KIAA0319L: variants seen among roughly 807,000 people sequenced by gnomAD.
KIAA0319L encodes the protein dyslexia-associated protein KIAA0319-like protein.
A neutral mutation model predicts 120.1 loss-of-function variants in KIAA0319L; 55 were observed. The observed-to-expected ratio is 0.46, with a 90% CI of 0.37 to 0.57. KIAA0319L has a LOEUF of 0.57. Among genes scored for constraint, KIAA0319L ranks in the 20% least tolerant of loss-of-function variants. The pLI is 0.00. For missense variants in KIAA0319L, 1,049 were observed against 1,255.3 expected (o/e 0.84, Z 2.48); for synonymous variants, 398 against 471.9 (o/e 0.84, Z 2.03).
At chr1:35,533,298 A>G (rs1420973923) in intron 2 of KIAA0319L, 2 of 152,202 alleles carry the variant, frequency 1.3e-5, no homozygotes, top group Admixed American at 6.5e-5. Flanking sequence ...CCAGAAATGT[A>G]AATTCTAACT....
intron 9 of KIAA0319L, among the ~76,000 whole-genome samples, chr1:35,458,584 A>T (rs894529194): frequency 6.6e-6 from 1 of 152,106 alleles, no homozygotes; most frequent in Non-Finnish European, 1.5e-5. Context: ...AAAAGCTTAG[A>T]CTCTAGAGTT....
At chr1:35,534,858 CAAAAA>C (rs779838672) in intron 2 of KIAA0319L, among the ~76,000 whole-genome samples, 4 of 42,620 alleles carry the variant, frequency 9.4e-5, no homozygotes, top group South Asian at 1.7e-3. Context: ...GACTCCGTCT[CAAAAA>C]AAAAAAAAAA....
At position 35,540,958 on chromosome 1, in the gene KIAA0319L, T is replaced by A. The variant is rs992299620; in HGVS notation, c.142+13392A>T. On this transcript the variant is annotated intron_variant, in intron 2 of 20. Transcript: ENST00000325722. ...ATGTATTAATTTTCCCTTTTTTTTT[T>A]CTTGAGACAGTCTCACTCTGTGGCC... 2.6e-5 allele frequency among the ~76,000 whole-genome samples: 4 copies of A among 152,078 alleles called. No individual in the cohort carries two copies. The East Asian group carries it at 7.7e-4, about 29-fold the overall frequency.
chr1:35,555,712 G>A (rs893810121), intron 1 of KIAA0319L, among the ~76,000 whole-genome samples: 3 of 152,232 alleles, frequency 2.0e-5, no homozygotes, highest in African/African-American at 7.2e-5. Flanking sequence ...GAGTATGCAT[G>A]TGTGCATGTA....
At chr1:35,536,818 C>T (rs907466000) in intron 2 of KIAA0319L, among the ~76,000 whole-genome samples, 1 of 150,758 alleles carries the variant, frequency 6.6e-6, no homozygotes, top group Non-Finnish European at 1.5e-5. Flanking sequence ...ATCCAGTCAT[C>T]AAGGGCTTTA....
rs1020578912 is a variant in KIAA0319L at position 35,470,890 on chromosome 1, T to C, written c.1086A>G (p.Lys362=). ...PRDYSGEMEG[K]HSQILKLSKL... ...TCGATAGTTTGAGGATCTGGGAATG[T>C]TTCCCTTCCATTTCTCCACTGTAGT... Residue 362 remains lysine, a synonymous_variant, in exon 6 of 21, where the codon AAA becomes AAG. Transcript: ENST00000325722. 6.2e-7 allele frequency: 1 copy of C among 1,612,874 alleles called. No homozygotes were observed. Among genetic ancestry groups the C allele is most frequent in the Non-Finnish European group, 8.5e-7 (1 of 1,178,844 alleles).
At chr1:35,473,544 C>A (rs1435601529) in intron 5 of KIAA0319L, among the ~76,000 whole-genome samples, 1 of 152,078 alleles carries the variant, frequency 6.6e-6, no homozygotes, top group Non-Finnish European at 1.5e-5. Flanking sequence ...TAGTAATCAA[C>A]AGCTCAAGGC....
chr1:35,461,510 C>T (rs956351836), intron 8 of KIAA0319L, among the ~76,000 whole-genome samples: 4 of 152,102 alleles, frequency 2.6e-5, no homozygotes, highest in Admixed American at 1.3e-4. Context: ...ACAAGCATCA[C>T]ACATAACAGC....
At chr1:35,533,747 C>T (rs138015188) in intron 2 of KIAA0319L, among the ~76,000 whole-genome samples, 136 of 152,280 alleles carry the variant, frequency 8.9e-4, no homozygotes, top group African/African-American at 3.2e-3. Flanking sequence ...AGATGGCTGC[C>T]ACATGAAAAT....
At chr1:35,537,067 T>C (rs879178317) in intron 2 of KIAA0319L, among the ~76,000 whole-genome samples, 1 of 152,274 alleles carries the variant, frequency 6.6e-6, no homozygotes, top group African/African-American at 2.4e-5. Flanking sequence ...TCTTTGTACT[T>C]CAAAAAGCAC....
intron 7 of KIAA0319L, among the ~76,000 whole-genome samples, chr1:35,464,338 G>T (rs1643104712): frequency 6.6e-6 from 1 of 152,150 alleles, no homozygotes; most frequent in Non-Finnish European, 1.5e-5. Flanking sequence ...TGGAAATGAG[G>T]AAATTGTTGG....
intron 3 of KIAA0319L, among the ~76,000 whole-genome samples, chr1:35,489,716 G>A (rs1405379028): frequency 6.6e-6 from 1 of 151,546 alleles, no homozygotes; most frequent in African/African-American, 2.4e-5. Flanking sequence ...ACCCAGGCTG[G>A]GGTGCAGTGG....
chr1:35,517,368 T>C lies in KIAA0319L; in HGVS notation c.143-10233A>G, dbSNP rs138644249. On this transcript the variant is annotated intron_variant, in intron 2 of 20. Transcript: ENST00000325722. ...TGGTAATGGTACAAAAATTGGCACATAGACCAACGGAACAGAATAGAGAGC... is the reference window on the plus strand; with the variant it reads ...TGGTAATGGTACAAAAATTGGCACACAGACCAACGGAACAGAATAGAGAGC... 6.3e-3 allele frequency among the ~76,000 whole-genome samples: 960 copies of C among 152,176 alleles called. 25 individuals are homozygous for C. The East Asian group carries it at 0.068, about 11-fold the overall frequency.
intron 3 of KIAA0319L, among the ~76,000 whole-genome samples, chr1:35,482,104 G>T (rs1213491548): frequency 6.6e-6 from 1 of 151,980 alleles, no homozygotes; most frequent in African/African-American, 2.4e-5. Context: ...GATTACAGGC[G>T]TGAGCCACCA....
At chr1:35,483,708 C>T (rs949154732) in intron 3 of KIAA0319L, among the ~76,000 whole-genome samples, 2 of 152,064 alleles carry the variant, frequency 1.3e-5, no homozygotes, top group Non-Finnish European at 2.9e-5. Context: ...TTCTAGATCC[C>T]AATCTGTATA....
At chr1:35,547,986 T>A (rs1647046961) in intron 2 of KIAA0319L, among the ~76,000 whole-genome samples, 2 of 151,996 alleles carry the variant, frequency 1.3e-5, no homozygotes, top group South Asian at 4.2e-4. Flanking sequence ...CCAGGTGTGG[T>A]GGTGCACCCC....
At chr1:35,526,237 T>C (rs1024234533) in intron 2 of KIAA0319L, among the ~76,000 whole-genome samples, 2 of 150,228 alleles carry the variant, frequency 1.3e-5, no homozygotes, top group African/African-American at 4.9e-5. Flanking sequence ...GTCTGTTGTT[T>C]TGGTTACTAG....
At chr1:35,525,172 C>T (rs1462473834) in intron 2 of KIAA0319L, among the ~76,000 whole-genome samples, 1 of 152,146 alleles carries the variant, frequency 6.6e-6, no homozygotes, top group Non-Finnish European at 1.5e-5. Flanking sequence ...CTGTAAAATA[C>T]ACAATTTCAT....
intron 16 of KIAA0319L, 127 bp downstream of exon 16, chr1:35,448,046 G>A: frequency 2.2e-6 from 2 of 889,756 alleles, no homozygotes; most frequent in Admixed American, 5.0e-5. Flanking sequence ...TTGAAGAAAA[G>A]GCAACATGAG....
Sources: gnomAD v4.1 joint callset for allele counts (sites outside exome capture counted in the v4.1 genomes callset) on GRCh38, gnomAD v4.1.1 for gene constraint, MANE v1.5 for transcripts, NCBI Gene and HGNC (gene_info 2026-07-23, HGNC 2026-07-21) for gene names.